CEP83: variants seen among roughly 807,000 people sequenced by gnomAD.
CEP83 encodes centrosomal protein of 83 kDa.
In CEP83, 70 loss-of-function variants were observed where a neutral mutation model predicts 101.9. That is an observed-to-expected ratio of 0.69 (90% CI 0.57 to 0.84). The LOEUF (loss-of-function observed/expected upper bound fraction) is 0.84, where lower values mean the gene tolerates loss of function less well. Ranked by LOEUF, CEP83 falls within the 40% of genes least tolerant of loss-of-function variation. The pLI is 0.00. For missense variants in CEP83, 715 were observed against 787.2 expected, an observed-to-expected ratio of 0.91 and a Z score of 1.10; for synonymous variants, 264 against 267.9, an observed-to-expected ratio of 0.99 and a Z score of 0.14.
intron 14 of CEP83, among the ~76,000 whole-genome samples, chr12:94,317,716 G>C (rs1970936829): frequency 1.3e-5 from 2 of 152,138 alleles, no homozygotes; most frequent in South Asian, 2.1e-4. Context: ...TTGAAGATCA[G>C]ATGATTGTAG....
chr12:94,328,796 C>T (rs1041912183), intron 14 of CEP83, among the ~76,000 whole-genome samples: 5 of 152,082 alleles, frequency 3.3e-5, no homozygotes, highest in African/African-American at 7.2e-5. Flanking sequence ...AGCCTAACAG[C>T]GCAGTGGAAA....
At chr12:94,281,912 C>G in the CEP83 span, 4 of 208,066 alleles carry the variant, frequency 1.9e-5, no homozygotes, top group African/African-American at 7.1e-5. Flanking sequence ...ATGCCTCCCC[C>G]TCCACCCCGA....
chr12:94,448,285 A>T (rs930553741), intron 1 of CEP83, among the ~76,000 whole-genome samples: 8 of 152,158 alleles, frequency 5.3e-5, no homozygotes, highest in Non-Finnish European at 1.0e-4. Flanking sequence ...CCATCTAACC[A>T]AAGAACCCCA....
intron 2 of CEP83, chr12:94,423,758 G>C: frequency 1.2e-6 from 2 of 1,613,354 alleles, no homozygotes; most frequent in Non-Finnish European, 1.7e-6. Flanking sequence ...TTGTTGAACT[G>C]GAAAGAATAG....
chr12:94,391,012 G>A (rs2062491012), intron 6 of CEP83, among the ~76,000 whole-genome samples: 1 of 152,208 alleles, frequency 6.6e-6, no homozygotes, highest in Non-Finnish European at 1.5e-5. Context: ...TGGTGTATCT[G>A]AAAGTGACAG....
intron 1 of CEP83, among the ~76,000 whole-genome samples, chr12:94,454,997 G>A (rs562189396): frequency 1.1e-4 from 16 of 151,886 alleles, no homozygotes; most frequent in African/African-American, 3.6e-4. Context: ...AAGAAACTCC[G>A]GACACATCTG....
chr12:94,367,831 C>A lies in CEP83; in HGVS notation c.1306G>T (p.Ala436Ser). 6.2e-7 allele frequency: 1 copy of A among 1,613,348 alleles called. No individual in the cohort carries two copies. ...YEEKLRASQMAEEITRKELQS... is the reference protein window; with the variant it reads ...YEEKLRASQMSEEITRKELQS... The stretch of plus-strand genomic sequence containing the variant: ...AGCTCCTTCCTGGTGATCTCTTCTG[C>A]CATCTGTGAAGCCCGCAATTTCTCT... The change falls in exon 11 of 17, where the codon GCA becomes TCA. Residue 436 changes from alanine (A) to serine (S), a missense_variant. Coordinates refer to ENST00000397809, the MANE Select transcript of CEP83 (RefSeq NM_016122.3).
intron 12 of CEP83, 122 bp downstream of exon 12, chr12:94,335,464 CAAT>C (rs2059408430): frequency 7.8e-6 from 5 of 640,328 alleles, no homozygotes. Flanking sequence ...TCACCTCCAA[CAAT>C]ATGTTACCAA....
intron 6 of CEP83, among the ~76,000 whole-genome samples, chr12:94,392,670 A>G (rs2062626364): frequency 6.6e-6 from 1 of 152,248 alleles, no homozygotes; most frequent in Non-Finnish European, 1.5e-5. Context: ...AGAGACACAA[A>G]GAACCCTTCA....
At chr12:94,328,807 G>T (rs1299530451) in intron 14 of CEP83, among the ~76,000 whole-genome samples, 1 of 152,180 alleles carries the variant, frequency 6.6e-6, no homozygotes, top group Non-Finnish European at 1.5e-5. Flanking sequence ...GCAGTGGAAA[G>T]AGCACCAGAC....
chr12:94,429,477 T>G (rs549439442), intron 2 of CEP83, among the ~76,000 whole-genome samples: 3 of 152,280 alleles, frequency 2.0e-5, no homozygotes, highest in African/African-American at 7.2e-5. Context: ...TTTTGAGAAC[T>G]CAGTCCCAAC....
intron 11 of CEP83, among the ~76,000 whole-genome samples, chr12:94,363,895 C>T (rs1419485509): frequency 6.7e-6 from 1 of 148,706 alleles, no homozygotes; most frequent in African/African-American, 2.5e-5. Context: ...TTGCAGTGAG[C>T]TGAGATCATG....
chr12:94,399,566 GTTTA>G (rs2063127013), intron 6 of CEP83, among the ~76,000 whole-genome samples: 2 of 152,032 alleles, frequency 1.3e-5, no homozygotes, highest in South Asian at 4.1e-4. Context: ...TGTATTTTTT[GTTTA>G]TTTGTTTGTT....
chr12:94,454,310 G>C (rs967786482), intron 1 of CEP83, among the ~76,000 whole-genome samples: 26 of 152,084 alleles, frequency 1.7e-4, no homozygotes, highest in African/African-American at 6.0e-4. Context: ...ATTTTCACGT[G>C]TCCTTCACAC....
At chr12:94,427,925 G>A (rs1167762161) in intron 2 of CEP83, among the ~76,000 whole-genome samples, 1 of 152,184 alleles carries the variant, frequency 6.6e-6, no homozygotes, top group South Asian at 2.1e-4. Flanking sequence ...CGCCCTGCCA[G>A]AACCTGAAGT....
chr12:94,291,564 G>A, the CEP83 span, among the ~76,000 whole-genome samples: 2 of 152,096 alleles, frequency 1.3e-5, no homozygotes, highest in African/African-American at 2.4e-5. Flanking sequence ...AAGCTAATTC[G>A]TTTAAAGTAT....
intron 14 of CEP83, among the ~76,000 whole-genome samples, chr12:94,327,242 A>G (rs992426539): frequency 6.6e-6 from 1 of 152,236 alleles, no homozygotes; most frequent in Admixed American, 6.5e-5. Flanking sequence ...ATAAGAATTA[A>G]GGCTGGGATT....
At chr12:94,271,253 T>C in the CEP83 span, among the ~76,000 whole-genome samples, 5 of 152,344 alleles carry the variant, frequency 3.3e-5, no homozygotes, top group South Asian at 1.0e-3. Context: ...ATCTTACAGT[T>C]ACTTTCTAGG....
At chr12:94,396,631 T>A (rs1165064669) in intron 6 of CEP83, among the ~76,000 whole-genome samples, 1 of 152,142 alleles carries the variant, frequency 6.6e-6, no homozygotes, top group Non-Finnish European at 1.5e-5. Context: ...CTTTCACATA[T>A]TATTTCATAT....
Sources: allele counts gnomAD v4.1 joint callset (sites outside exome capture counted in the v4.1 genomes callset), GRCh38; gene constraint gnomAD v4.1.1; transcripts MANE v1.5; gene names NCBI Gene and HGNC (gene_info 2026-07-23, HGNC 2026-07-21).